Variants in AKAP19 observed in about 807,000 individuals in gnomAD.
The protein encoded by AKAP19 is small A-kinase anchoring protein.
chr2:189,909,062 AGTT>A, the AKAP19 span, among the ~76,000 whole-genome samples: 1 of 152,080 alleles, frequency 6.6e-6, no homozygotes, highest in African/African-American at 2.4e-5. Flanking sequence ...GTATATTTAC[AGTT>A]GTTGTAGTCT....
At chr2:190,081,261 T>G in the AKAP19 span, among the ~76,000 whole-genome samples, 2 of 151,304 alleles carry the variant, frequency 1.3e-5, no homozygotes, top group African/African-American at 2.4e-5. Flanking sequence ...TAGGAAAGAT[T>G]AACTCAAGCA....
At chr2:189,885,826 G>C in the AKAP19 span, among the ~76,000 whole-genome samples, 2 of 151,172 alleles carry the variant, frequency 1.3e-5, no homozygotes, top group Non-Finnish European at 1.5e-5. Context: ...TTATTTTATT[G>C]AGATGGAATT....
the AKAP19 span, among the ~76,000 whole-genome samples, chr2:190,182,532 A>T: frequency 6.6e-6 from 1 of 152,310 alleles, no homozygotes; most frequent in East Asian, 1.9e-4. Context: ...TAATATTAAT[A>T]AAGTACTTAG....
At chr2:189,889,475 A>G in the AKAP19 span, among the ~76,000 whole-genome samples, 5 of 151,978 alleles carry the variant, frequency 3.3e-5, no homozygotes, top group Non-Finnish European at 7.4e-5. Context: ...CTCTTTTTCT[A>G]TTGTTTGGAA....
the AKAP19 span, among the ~76,000 whole-genome samples, chr2:189,943,796 G>T: frequency 6.6e-6 from 1 of 152,226 alleles, no homozygotes; most frequent in East Asian, 1.9e-4. Context: ...AGTCACTGGA[G>T]ATTATTTTGG....
chr2:190,102,570 A>C, the AKAP19 span, among the ~76,000 whole-genome samples: 3 of 152,308 alleles, frequency 2.0e-5, no homozygotes, highest in East Asian at 5.8e-4. Context: ...TATGCTCACA[A>C]ACTAGAAGAT....
At chr2:189,936,128 G>C in the AKAP19 span, among the ~76,000 whole-genome samples, 2 of 151,812 alleles carry the variant, frequency 1.3e-5, no homozygotes, top group African/African-American at 4.8e-5. Flanking sequence ...CTATACAGGA[G>C]TAATATTGAA....
chr2:190,107,028 T>A, the AKAP19 span, among the ~76,000 whole-genome samples: 1 of 152,234 alleles, frequency 6.6e-6, no homozygotes, highest in Non-Finnish European at 1.5e-5. Flanking sequence ...TCTTTGGCAA[T>A]GATGTGGGCC....
At chr2:189,977,925 T>C in the AKAP19 span, among the ~76,000 whole-genome samples, 2 of 152,236 alleles carry the variant, frequency 1.3e-5, no homozygotes. Flanking sequence ...ATTCTGTTTT[T>C]CACTTTCAGT....
At chr2:190,108,658 A>G in the AKAP19 span, among the ~76,000 whole-genome samples, 1 of 152,166 alleles carries the variant, frequency 6.6e-6, no homozygotes, top group African/African-American at 2.4e-5. Context: ...GGCAGCCTGG[A>G]TATGAAATCC....
At chr2:190,194,812 CTTAGTAA>C in the AKAP19 span, among the ~76,000 whole-genome samples, 2 of 151,962 alleles carry the variant, frequency 1.3e-5, no homozygotes, top group African/African-American at 4.8e-5. Context: ...ATTGGCTTAA[CTTAGTAA>C]TAAGTATTTG....
the AKAP19 span, among the ~76,000 whole-genome samples, chr2:189,915,615 T>C: frequency 6.6e-6 from 1 of 151,978 alleles, no homozygotes; most frequent in Non-Finnish European, 1.5e-5. Flanking sequence ...TCTTAGAGGG[T>C]TTTAAGACTT....
the AKAP19 span, among the ~76,000 whole-genome samples, chr2:190,000,034 A>C: frequency 6.6e-5 from 10 of 152,246 alleles, no homozygotes; most frequent in African/African-American, 1.9e-4. Context: ...AAACAGTTAG[A>C]CTTCTAGCAG....
the AKAP19 span, among the ~76,000 whole-genome samples, chr2:189,947,333 T>G: frequency 6.6e-6 from 1 of 152,196 alleles, no homozygotes; most frequent in South Asian, 2.1e-4. Flanking sequence ...TATTTTATAT[T>G]TTTTCACATC....
the AKAP19 span, among the ~76,000 whole-genome samples, chr2:190,148,217 T>G: frequency 6.6e-6 from 1 of 152,192 alleles, no homozygotes; most frequent in Non-Finnish European, 1.5e-5. Flanking sequence ...AATCATAAAT[T>G]GATGCTGGAT....
At chr2:190,141,916 T>A in the AKAP19 span, among the ~76,000 whole-genome samples, 1 of 152,152 alleles carries the variant, frequency 6.6e-6, no homozygotes, top group Non-Finnish European at 1.5e-5. Flanking sequence ...TAAAAAGGCT[T>A]AGCGGGAGGA....
At chr2:189,958,642 C>T in the AKAP19 span, among the ~76,000 whole-genome samples, 3 of 150,172 alleles carry the variant, frequency 2.0e-5, no homozygotes, top group Non-Finnish European at 3.0e-5. Flanking sequence ...TGCACCAGGA[C>T]AGTTGTGCAA....
At chr2:189,993,054 T>C in the AKAP19 span, among the ~76,000 whole-genome samples, 32 of 152,356 alleles carry the variant, frequency 2.1e-4, no homozygotes, top group African/African-American at 7.2e-4. Context: ...CAGTATAATA[T>C]TGAATAGCAA....
the AKAP19 span, among the ~76,000 whole-genome samples, chr2:189,928,905 C>T: frequency 6.6e-6 from 1 of 152,016 alleles, no homozygotes; most frequent in Non-Finnish European, 1.5e-5. Flanking sequence ...ACTGTTATGT[C>T]ACTGAAGTGA....
Sources: allele counts gnomAD v4.1 joint callset (sites outside exome capture counted in the v4.1 genomes callset), GRCh38; gene constraint gnomAD v4.1.1; transcripts MANE v1.5; gene names NCBI Gene and HGNC (gene_info 2026-07-23, HGNC 2026-07-21).